SESN2: variants seen among roughly 807,000 people sequenced by gnomAD.
SESN2 encodes sestrin 2, also known as sestrin-2.
Under a neutral mutation model 56.0 loss-of-function variants are expected in SESN2, and 42 were observed. That is an observed-to-expected ratio of 0.75 (90% confidence interval 0.59 to 0.97). The LOEUF is 0.97. SESN2 is among the 50% of genes least tolerant of loss of function. The probability of loss-of-function intolerance (pLI) is 0.00; values close to 1 mark genes in which losing one functional copy is unlikely to be tolerated. For synonymous variants in SESN2, 264 were observed against 267.1 expected, an observed-to-expected ratio of 0.99 and a Z score of 0.11; for missense variants, 507 against 649.4, an observed-to-expected ratio of 0.78 and a Z score of 2.38.
At chr1:28,270,195 C>CA (rs1268958119) in intron 2 of SESN2, among the ~76,000 whole-genome samples, 1 of 151,922 alleles carries the variant, frequency 6.6e-6, no homozygotes, top group Non-Finnish European at 1.5e-5. Context: ...ACTAAAAATA[C>CA]AAAAAATTAG....
At chr1:28,265,781 CT>C (rs1386612702) in intron 1 of SESN2, among the ~76,000 whole-genome samples, 1 of 152,138 alleles carries the variant, frequency 6.6e-6, no homozygotes, top group Non-Finnish European at 1.5e-5. Flanking sequence ...ACCACCAAGC[CT>C]TCCAAAGTAC....
rs989583981 is a variant in SESN2 at position 28,281,301 on chromosome 1, G to A, written c.*499G>A. On this transcript the variant is annotated 3_prime_UTR_variant, in exon 10 of 10. Transcript: ENST00000253063. ...AATGTGAAAGTCAGGGTCACAGCTG[G>A]TCTGTGTGTCCAGTTCCCTAAAAGC... The A allele has an allele frequency of 6.4e-6, 1 of 155,578 alleles. No individual in the cohort carries two copies. The highest frequency in any genetic ancestry group is 2.4e-5 in the African/African-American group (1 of 41,500). 9.6% of individuals were successfully genotyped at this position (155,578 alleles called of 1,614,324 possible).
Position 28,269,194 on chromosome 1 carries a change from G to A in SESN2, c.102G>A (p.Glu34=). 6.2e-7 allele frequency: 1 copy of A among 1,612,818 alleles called. No individual in the cohort carries two copies. Among genetic ancestry groups the A allele is most frequent in the Non-Finnish European group, 8.5e-7 (1 of 1,179,346 alleles). ...ATGTTTCCTCCCAGGAGCAGAGGGA[G>A]AGCCGGGCTCGGCGAGGCCCTCGAG... ...GDSGPGEEQR[E]SRARRGPRGP... is the part of the protein sequence containing the mutation. Residue 34 remains glutamate, a synonymous_variant, in exon 2 of 10, where the codon GAG becomes GAA. Transcript: ENST00000253063.
chr1:28,271,990 TTATC>T, intron 3 of SESN2, 119 bp downstream of exon 3: 1 of 1,032,402 alleles, frequency 9.7e-7, no homozygotes, highest in Middle Eastern at 2.1e-4. Flanking sequence ...AGCCCTGGCT[TTATC>T]TAACTGTAGA....
intron 1 of SESN2, among the ~76,000 whole-genome samples, chr1:28,260,534 G>A (rs973181153): frequency 6.6e-6 from 1 of 151,848 alleles, no homozygotes; most frequent in East Asian, 1.9e-4. Flanking sequence ...TTGGCGGGCC[G>A]CCCGGTACGC....
intron 8 of SESN2, 65 bp downstream of exon 8, chr1:28,275,080 T>C (rs1362700132): frequency 1.7e-6 from 2 of 1,184,130 alleles, no homozygotes; most frequent in Non-Finnish European, 2.3e-6. Context: ...GGTTCACAGT[T>C]GTTTCCATTT....
At chr1:28,263,936 G>A (rs1170594641) in intron 1 of SESN2, among the ~76,000 whole-genome samples, 3 of 152,004 alleles carry the variant, frequency 2.0e-5, no homozygotes, top group African/African-American at 7.3e-5. Context: ...GCTTAAATTA[G>A]GATCCATGCC....
chr1:28,278,945 G>T, intron 8 of SESN2, 152 bp from the exon 9 acceptor site: 1 of 727,946 alleles, frequency 1.4e-6, no homozygotes, highest in Non-Finnish European at 2.3e-6. Flanking sequence ...CACGATATCA[G>T]CTGTTTCTCC....
intron 1 of SESN2, among the ~76,000 whole-genome samples, chr1:28,265,224 G>T (rs1000354711): frequency 6.6e-6 from 1 of 152,200 alleles, no homozygotes; most frequent in African/African-American, 2.4e-5. Flanking sequence ...GGCTGACTTG[G>T]AGGGGTCATT....
At chr1:28,265,507 C>T (rs1303174816) in intron 1 of SESN2, among the ~76,000 whole-genome samples, 4 of 152,132 alleles carry the variant, frequency 2.6e-5, no homozygotes, top group Admixed American at 2.6e-4. Flanking sequence ...AATTCTCCTG[C>T]CTCAGCCCCC....
intron 4 of SESN2, 42 bp from the exon 5 acceptor site, chr1:28,272,539 C>T (rs771296595): frequency 2.1e-5 from 34 of 1,609,222 alleles, no homozygotes; most frequent in Admixed American, 1.0e-4. Flanking sequence ...TAACCCAGGG[C>T]AGGCACTGAG....
chr1:28,282,119 C>T lies in SESN2; in HGVS notation c.*1317C>T, dbSNP rs1648268858. The T allele has an allele frequency of 6.6e-6, 1 of 152,302 alleles. No individual in the cohort carries two copies. Among genetic ancestry groups the T allele is most frequent in the Admixed American group, 6.5e-5 (1 of 15,276 alleles). The allele number at this position is 152,302 out of a possible 1,614,324, so 9.4% of individuals were successfully genotyped here. Reference sequence around the variant, plus strand: ...TGTAGCAAATGACTGTGAATTACGACTTCTCTTGCCCTTCTTCTAGCAGTC... The same window carrying T: ...TGTAGCAAATGACTGTGAATTACGATTTCTCTTGCCCTTCTTCTAGCAGTC... On this transcript the variant is annotated 3_prime_UTR_variant, in exon 10 of 10. Coordinates refer to ENST00000253063, the MANE Select transcript of SESN2 (RefSeq NM_031459.5).
chr1:28,273,206 A>G (rs1647851830), intron 5 of SESN2, 152 bp from the exon 6 acceptor site: 1 of 605,440 alleles, frequency 1.7e-6, no homozygotes, highest in East Asian at 2.9e-5. Context: ...GGAAGCACAG[A>G]CCCCATGTGC....
Position 28,273,368 on chromosome 1 carries a change from C to A in SESN2, c.761C>A (p.Ser254Tyr). The change falls in exon 6 of 10, where the codon TCT becomes TAT. Residue 254 changes from serine (S) to tyrosine (Y), a missense_variant. Physicochemically the swap from Ser to Tyr is moderately radical, Grantham distance 144. Transcript: ENST00000253063. ...GGGCCTCTCCTGCAGGGCTTTGAGT[C>A]TGCCCGCGACGTGGAGGCGCTGATG... ...DPLNNSGGFE[S>Y]ARDVEALMER... The A allele has an allele frequency of 6.3e-7, 1 of 1,594,980 alleles. No homozygotes were observed. The highest frequency in any genetic ancestry group is 8.5e-7 in the Non-Finnish European group (1 of 1,170,510).
At chr1:28,273,677 A>G (rs942440166) in intron 6 of SESN2, among the ~76,000 whole-genome samples, 169 bp downstream of exon 6, 11 of 152,182 alleles carry the variant, frequency 7.2e-5, no homozygotes, top group Admixed American at 6.5e-5. Flanking sequence ...CTGGGCTGCT[A>G]GCCTTTCCGG....
At chr1:28,264,142 G>C (rs921946002) in intron 1 of SESN2, among the ~76,000 whole-genome samples, 1 of 151,306 alleles carries the variant, frequency 6.6e-6, no homozygotes, top group Non-Finnish European at 1.5e-5. Context: ...AAGGTGAGCA[G>C]GTTATGTCTC....
intron 1 of SESN2, among the ~76,000 whole-genome samples, chr1:28,266,537 T>A (rs919767298): frequency 1.3e-5 from 2 of 151,638 alleles, no homozygotes; most frequent in Non-Finnish European, 2.9e-5. Context: ...GCTCATGCAA[T>A]TTGTGTCAAG....
chr1:28,271,208 A>T (rs1476598772), intron 2 of SESN2, among the ~76,000 whole-genome samples: 2 of 152,206 alleles, frequency 1.3e-5, no homozygotes, highest in Admixed American at 1.3e-4. Flanking sequence ...CACGCGGAGA[A>T]AACTGTAAGC....
At chr1:28,260,000 C>T (rs1004039523) in intron 1 of SESN2, 63 bp downstream of exon 1, 4 of 1,248,582 alleles carry the variant, frequency 3.2e-6, no homozygotes, top group Non-Finnish European at 4.4e-6. Flanking sequence ...GAGCCTCAGG[C>T]TGTCCGGAGC....
Sources: allele counts gnomAD v4.1 joint callset (sites outside exome capture counted in the v4.1 genomes callset), GRCh38; gene constraint gnomAD v4.1.1; transcripts MANE v1.5; gene names NCBI Gene and HGNC (gene_info 2026-07-23, HGNC 2026-07-21).